The following YLPM1 variants were observed in gnomAD, a reference collection of about 807,000 sequenced individuals.
YLPM1 encodes the protein YLP motif-containing protein 1.
In YLPM1, 99 loss-of-function variants were observed where a neutral mutation model predicts 230.0. The observed-to-expected ratio is 0.43, with a 90% CI of 0.37 to 0.51. YLPM1 has a LOEUF of 0.51. YLPM1 is among the 20% of genes least tolerant of loss of function. The pLI is 0.00. For synonymous variants in YLPM1, 984 were observed against 942.5 expected, an observed-to-expected ratio of 1.04 and a Z score of -0.81; for missense variants, 2,592 against 2,707.7, an observed-to-expected ratio of 0.96 and a Z score of 0.95.
intron 16 of YLPM1, among the ~76,000 whole-genome samples, chr14:74,819,306 A>G (rs1430325369): frequency 7.9e-6 from 1 of 126,548 alleles, no homozygotes; most frequent in South Asian, 2.4e-4. Context: ...GTGGAGTCTC[A>G]CTCTGTCACC....
intron 16 of YLPM1, 143 bp downstream of exon 16, chr14:74,818,457 C>G: frequency 1.8e-6 from 1 of 569,024 alleles, no homozygotes; most frequent in Non-Finnish European, 2.9e-6. Context: ...ATTGAGATCA[C>G]GGTTAGTATT....
chr14:74,832,525 G>A (rs1334278406), intron 19 of YLPM1, among the ~76,000 whole-genome samples: 1 of 152,064 alleles, frequency 6.6e-6, no homozygotes, highest in Non-Finnish European at 1.5e-5. Context: ...AGCCTGGAGT[G>A]CAGTGGTGAT....
chr14:74,781,265 A>C (rs2091088859), intron 3 of YLPM1, 69 bp from the exon 4 acceptor site: 1 of 1,431,658 alleles, frequency 7.0e-7, no homozygotes, highest in African/African-American at 1.4e-5. Flanking sequence ...TTGATTCATT[A>C]ATATTTTAAC....
At chr14:74,802,410 C>T in intron 5 of YLPM1, 146 bp from the exon 6 acceptor site, 1 of 665,614 alleles carries the variant, frequency 1.5e-6, no homozygotes, top group East Asian at 3.3e-5. Flanking sequence ...GAGGGTAATC[C>T]TGGAGCTGCT....
intron 1 of YLPM1, among the ~76,000 whole-genome samples, chr14:74,769,106 C>G (rs751552496): frequency 1.7e-4 from 25 of 150,880 alleles, no homozygotes; most frequent in Non-Finnish European, 3.0e-4. Flanking sequence ...GATGGAGTCT[C>G]GCTCTGTTGC....
rs796894991 is a variant in YLPM1, at chr14:74,836,292, A to G, written c.*554A>G. On this transcript the variant is annotated 3_prime_UTR_variant, in exon 21 of 21. Transcript: ENST00000325680. ...CTGAACATCCCAAAACCTTTTTTTC[A>G]TTGAATATTATATGGCTCAATGATT... The G allele has an allele frequency of 1.6e-4, 25 of 153,152 alleles. No individual in the cohort carries two copies. Among genetic ancestry groups the G allele is most frequent in the African/African-American group, 6.0e-4 (25 of 41,518 alleles). 9.5% of individuals were successfully genotyped at this position (153,152 alleles called of 1,614,324 possible).
chr14:74,811,565 C>A, intron 9 of YLPM1, 55 bp from the exon 10 acceptor site: 2 of 1,346,892 alleles, frequency 1.5e-6, no homozygotes, highest in Non-Finnish European at 1.0e-6. Flanking sequence ...CGTTATAAAG[C>A]AGAGAACCCC....
chr14:74,763,760 G>A lies in YLPM1; in HGVS notation c.271G>A (p.Val91Met), dbSNP rs774457725. The change falls in exon 1 of 21, where the codon GTG becomes ATG. Residue 91 changes from valine (V) to methionine (M), a missense_variant. Around this residue, in one of 4 missense-constraint regions of YLPM1, gnomAD observed 1,862 missense variants for 1,819.8 expected, o/e 1.02. Coordinates refer to ENST00000325680, the MANE Select transcript of YLPM1 (RefSeq NM_019589.3). Reference protein sequence around the residue: ...LPPPPLPPPPVMPGGGYGDWQ... With the variant: ...LPPPPLPPPPMMPGGGYGDWQ... ...TCCGCCCCCTCTGCCGCCCCCGCCA[G>A]TGATGCCGGGGGGCGGCTACGGAGA... The A allele has an allele frequency of 1.8e-5, 27 of 1,481,834 alleles. No homozygotes were observed. The East Asian group carries it at 4.4e-4, about 24-fold the overall frequency. 91.8% of individuals were successfully genotyped at this position (1,481,834 alleles called of 1,614,324 possible).
At position 74,798,763 on chromosome 14, in the gene YLPM1, G is replaced by A. The variant is rs1336541831; in HGVS notation, c.3466G>A (p.Gly1156Arg). Residue 1156 changes from glycine to arginine, a missense_variant, in exon 5 of 21, where the codon GGA becomes AGA. Coordinates refer to ENST00000325680, the MANE Select transcript of YLPM1 (RefSeq NM_019589.3). Reference protein sequence around the residue: ...PPRGPGSRERGLGRSDFGRDR... With the variant: ...PPRGPGSRERRLGRSDFGRDR... ...TCGAGGGCCTGGCAGTCGAGAAAGG[G>A]GACTGGGAAGATCAGATTTTGGTCG... is the stretch of plus-strand genomic sequence containing the variant. 1.9e-6 allele frequency: 3 copies of A among 1,613,790 alleles called. No individual in the cohort carries two copies. The highest frequency in any genetic ancestry group is 2.2e-5 in the East Asian group (1 of 44,870).
chr14:74,814,099 C>T (rs781334397), intron 11 of YLPM1, among the ~76,000 whole-genome samples: 10 of 152,176 alleles, frequency 6.6e-5, no homozygotes, highest in African/African-American at 1.9e-4. Context: ...TGGTGGCTCA[C>T]GCCTGTAATC....
chr14:74,765,330 G>A (rs2090901668), intron 1 of YLPM1, among the ~76,000 whole-genome samples: 1 of 152,090 alleles, frequency 6.6e-6, no homozygotes, highest in Admixed American at 6.6e-5. Context: ...TAATATAAAC[G>A]CTCAGATTTA....
chr14:74,780,670 C>G, intron 3 of YLPM1, 86 bp downstream of exon 3: 3 of 1,491,904 alleles, frequency 2.0e-6, no homozygotes, highest in Non-Finnish European at 2.7e-6. Flanking sequence ...GTGTAAAAAA[C>G]AAAAGATACC....
chr14:74,816,857 A>G, intron 13 of YLPM1, 74 bp from the exon 14 acceptor site: 2 of 1,472,306 alleles, frequency 1.4e-6, no homozygotes, highest in Non-Finnish European at 1.8e-6. Context: ...TCTCTATCCA[A>G]ATACTAACCA....
At chr14:74,830,896 G>T (rs1446918047) in intron 19 of YLPM1, among the ~76,000 whole-genome samples, 1 of 152,152 alleles carries the variant, frequency 6.6e-6, no homozygotes, top group Non-Finnish European at 1.5e-5. Context: ...CAGTATCGGG[G>T]ATTACAATTC....
chr14:74,834,685 T>C lies in YLPM1; in HGVS notation c.6295-580T>C, dbSNP rs1207650629. ...TGACTAGTACATATATGCAGAGTTATAGAGACATGAAATGGTGCGATGCGC... is the reference window on the plus strand; with the variant it reads ...TGACTAGTACATATATGCAGAGTTACAGAGACATGAAATGGTGCGATGCGC... On this transcript the variant is annotated intron_variant, in intron 19 of 20. Coordinates refer to ENST00000325680, the MANE Select transcript of YLPM1 (RefSeq NM_019589.3). 3.3e-5 allele frequency among the ~76,000 whole-genome samples: 5 copies of C among 152,208 alleles called. No homozygotes were observed. In the East Asian group the frequency reaches 5.8e-4, roughly 18 times the overall value.
At chr14:74,789,856 T>C (rs1220402496) in intron 4 of YLPM1, among the ~76,000 whole-genome samples, 1 of 152,016 alleles carries the variant, frequency 6.6e-6, no homozygotes, top group East Asian at 1.9e-4. Context: ...ACTCCTGGGC[T>C]CAGGCCATCT....
At chr14:74,773,874 C>T (rs1359682502) in intron 1 of YLPM1, among the ~76,000 whole-genome samples, 1 of 151,746 alleles carries the variant, frequency 6.6e-6, no homozygotes, top group African/African-American at 2.4e-5. Flanking sequence ...GTGTGTGCCA[C>T]CACACCCTAC....
chr14:74,798,248 C>A lies in YLPM1; in HGVS notation c.2951C>A (p.Pro984His). 6.2e-7 allele frequency: 1 copy of A among 1,613,934 alleles called. No homozygotes were observed. Among genetic ancestry groups the A allele is most frequent in the Non-Finnish European group, 8.5e-7 (1 of 1,179,886 alleles). The change falls in exon 5 of 21, where the codon CCT (proline) becomes CAT (histidine). Residue 984 changes from proline to histidine, a missense_variant. Coordinates refer to ENST00000325680, the MANE Select transcript of YLPM1 (RefSeq NM_019589.3). ...TTAACAGCAGATAATGATTTTAAAC[C>A]TGTGGGTATTGGTCTACCCCATTCA... ...SSLTADNDFKPVGIGLPHSEN... is the reference protein window; with the variant it reads ...SSLTADNDFKHVGIGLPHSEN...
Position 74,764,077 on chromosome 14 carries a change from T to G in YLPM1, c.588T>G (p.Pro196=), listed in dbSNP as rs376981714. ...AGCCGTCCCCTTCGCAGTCCCCACCTTCCCAATCCTACCTGGCGCCCACCC... is the reference window on the plus strand; with the variant it reads ...AGCCGTCCCCTTCGCAGTCCCCACCGTCCCAATCCTACCTGGCGCCCACCC... The part of the protein sequence containing the change: ...PAQPSPSQSP[P]SQSYLAPTPS... The change falls in exon 1 of 21, where the codon CCT becomes CCG. Residue 196 remains proline (P), a synonymous_variant. Coordinates refer to ENST00000325680, the MANE Select transcript of YLPM1 (RefSeq NM_019589.3). 1 of 1,608,120 alleles carries G rather than the reference T, an allele frequency of 6.2e-7. No homozygotes were observed. Among genetic ancestry groups the G allele is most frequent in the Non-Finnish European group, 8.5e-7 (1 of 1,178,370 alleles).
Sources: allele counts gnomAD v4.1 joint callset (sites outside exome capture counted in the v4.1 genomes callset), GRCh38; gene constraint gnomAD v4.1.1; regional missense constraint gnomAD v4.1.1; transcripts MANE v1.5; gene names NCBI Gene and HGNC (gene_info 2026-07-23, HGNC 2026-07-21).